MECOM: variants seen among roughly 807,000 people sequenced by gnomAD.
MECOM encodes the protein histone-lysine N-methyltransferase MECOM.
In MECOM, 13 loss-of-function variants were observed where a neutral mutation model predicts 116.3. The observed-to-expected ratio is 0.11, with a 90% CI of 0.07 to 0.18. MECOM has a LOEUF of 0.18. Ranked by LOEUF, MECOM falls within the 10% of genes least tolerant of loss-of-function variation. MECOM has a pLI of 1.00. For missense variants in MECOM, 1,299 were observed against 1,509.0 expected (o/e 0.86, Z 2.31); for synonymous variants, 528 against 535.2 (o/e 0.99, Z 0.19).
chr3:169,451,133 A>C (rs1454918509), intron 1 of MECOM, among the ~76,000 whole-genome samples: 1 of 152,164 alleles, frequency 6.6e-6, no homozygotes. Flanking sequence ...ACAGGGATAA[A>C]ACAATTTAAG....
At chr3:169,091,208 A>G (rs1719606048) in intron 14 of MECOM, among the ~76,000 whole-genome samples, 1 of 152,174 alleles carries the variant, frequency 6.6e-6, no homozygotes, top group African/African-American at 2.4e-5. Flanking sequence ...GAAAAAGTAA[A>G]AGAACAAAAA....
chr3:169,595,443 T>C (rs987648551), intron 1 of MECOM, among the ~76,000 whole-genome samples: 3 of 152,202 alleles, frequency 2.0e-5, no homozygotes, highest in Non-Finnish European at 4.4e-5. Flanking sequence ...ATTATACACA[T>C]ATACACTTTA....
intron 1 of MECOM, among the ~76,000 whole-genome samples, chr3:169,603,348 A>C (rs1364456507): frequency 6.6e-6 from 1 of 152,258 alleles, no homozygotes; most frequent in Non-Finnish European, 1.5e-5. Context: ...ATGTATGTTT[A>C]AGCTGTTAGC....
chr3:169,491,744 T>C (rs1029414609), intron 1 of MECOM, among the ~76,000 whole-genome samples: 1 of 152,234 alleles, frequency 6.6e-6, no homozygotes, highest in Non-Finnish European at 1.5e-5. Flanking sequence ...AAGTGGATTT[T>C]AGAAACTACA....
chr3:169,427,603 C>T (rs1740938261), intron 1 of MECOM, among the ~76,000 whole-genome samples: 2 of 152,294 alleles, frequency 1.3e-5, no homozygotes, highest in Non-Finnish European at 2.9e-5. Flanking sequence ...GAAATCTCCA[C>T]TCAGATGTGA....
At chr3:169,350,904 C>G (rs1726213213) in intron 2 of MECOM, among the ~76,000 whole-genome samples, 1 of 151,670 alleles carries the variant, frequency 6.6e-6, no homozygotes, top group South Asian at 2.1e-4. Context: ...ATATCCAGGT[C>G]AAAGCCATCT....
At chr3:169,633,545 C>G (rs1212662899) in intron 1 of MECOM, among the ~76,000 whole-genome samples, 1 of 152,152 alleles carries the variant, frequency 6.6e-6, no homozygotes, top group Non-Finnish European at 1.5e-5. Context: ...CATCACTATA[C>G]ATGGATAACA....
rs758618288 is a variant in MECOM, at chr3:169,131,414, G to A, written c.613+15C>T. 5 of 1,601,434 alleles carry A rather than the reference G, an allele frequency of 3.1e-6. No individual in the cohort carries two copies. The highest frequency in any genetic ancestry group is 1.3e-5 in the African/African-American group (1 of 74,650). On this transcript the variant is annotated intron_variant, in intron 4 of 16. Transcript: ENST00000651503. ...ATGATAAGGTGATAAGGAGGGTGGCGTGAGTGGTACTAACCGTGGATATCC... is the reference window on the plus strand; with the variant it reads ...ATGATAAGGTGATAAGGAGGGTGGCATGAGTGGTACTAACCGTGGATATCC...
intron 1 of MECOM, among the ~76,000 whole-genome samples, chr3:169,426,446 C>T (rs974659078): frequency 2.6e-5 from 4 of 152,178 alleles, no homozygotes; most frequent in African/African-American, 9.7e-5. Context: ...GATGCTCAGG[C>T]ATGTCACCAG....
At chr3:169,465,671 A>G (rs1748179506) in intron 1 of MECOM, among the ~76,000 whole-genome samples, 1 of 152,194 alleles carries the variant, frequency 6.6e-6, no homozygotes, top group Admixed American at 6.6e-5. Context: ...CACTTGGTGT[A>G]GATTAATTTA....
chr3:169,337,981 A>G lies in MECOM; in HGVS notation c.375+43206T>C, dbSNP rs540657856. 3.3e-5 allele frequency among the ~76,000 whole-genome samples: 5 copies of G among 152,330 alleles called. No homozygotes were observed. In the East Asian group the frequency reaches 9.6e-4, roughly 29 times the overall value. On this transcript the variant is annotated intron_variant, in intron 2 of 16. Transcript: ENST00000651503. ...TTTACCAAAGAAAAATAGGTTTTCA[A>G]AAGCCTATTCCCTTTATCAAGAATA... is the stretch of plus-strand genomic sequence containing the variant.
At chr3:169,090,670 C>T (rs904452474) in intron 14 of MECOM, among the ~76,000 whole-genome samples, 1 of 151,732 alleles carries the variant, frequency 6.6e-6, no homozygotes, top group East Asian at 1.9e-4. Context: ...AATACACATG[C>T]CTAAAGTGAC....
chr3:169,166,689 C>A (rs954962208), intron 2 of MECOM, among the ~76,000 whole-genome samples: 15 of 151,982 alleles, frequency 9.9e-5, no homozygotes, highest in African/African-American at 3.6e-4. Context: ...TGTTTTATAT[C>A]CAAAAGAGTA....
At chr3:169,497,252 A>G (rs542594508) in intron 1 of MECOM, among the ~76,000 whole-genome samples, 1 of 152,008 alleles carries the variant, frequency 6.6e-6, no homozygotes, top group African/African-American at 2.4e-5. Context: ...TATTGCCACA[A>G]CCTACTTCAG....
At chr3:169,615,219 AC>A (rs1769850534) in intron 1 of MECOM, among the ~76,000 whole-genome samples, 2 of 152,338 alleles carry the variant, frequency 1.3e-5, no homozygotes, top group South Asian at 4.1e-4. Context: ...CCTTGTACCC[AC>A]CACGTTCATG....
At chr3:169,638,627 C>A (rs1218171187) in intron 1 of MECOM, among the ~76,000 whole-genome samples, 1 of 152,204 alleles carries the variant, frequency 6.6e-6, no homozygotes, top group East Asian at 1.9e-4. Flanking sequence ...ATGGAGGGCT[C>A]ACACATCTGC....
intron 2 of MECOM, among the ~76,000 whole-genome samples, chr3:169,297,962 T>C (rs1449180395): frequency 6.6e-6 from 1 of 152,208 alleles, no homozygotes; most frequent in African/African-American, 2.4e-5. Context: ...GAATATACCA[T>C]AGAGTAACTT....
intron 1 of MECOM, among the ~76,000 whole-genome samples, chr3:169,494,851 G>C (rs140188246): frequency 6.6e-6 from 1 of 152,260 alleles, no homozygotes; most frequent in East Asian, 1.9e-4. Context: ...TTCAGCCATG[G>C]TGCCATTCAC....
chr3:169,159,960 C>T (rs996107451), intron 2 of MECOM, among the ~76,000 whole-genome samples: 3 of 152,160 alleles, frequency 2.0e-5, no homozygotes, highest in Non-Finnish European at 2.9e-5. Context: ...ATACTAAGCA[C>T]CTAATAAGCA....
Sources: gnomAD v4.1 joint callset for allele counts (sites outside exome capture counted in the v4.1 genomes callset) on GRCh38, gnomAD v4.1.1 for gene constraint, MANE v1.5 for transcripts, NCBI Gene and HGNC (gene_info 2026-07-23, HGNC 2026-07-21) for gene names.